The following SOX5 variants were observed in gnomAD, a reference collection of about 807,000 sequenced individuals.
The protein encoded by SOX5 is transcription factor SOX-5.
Under a neutral mutation model 92.0 loss-of-function variants are expected in SOX5, and 9 were observed. That is an observed-to-expected ratio of 0.10 (90% CI 0.06 to 0.17). SOX5 has a LOEUF of 0.17. SOX5 is among the 10% of genes least tolerant of loss of function. The pLI, the probability that SOX5 is intolerant of heterozygous loss-of-function variation, is 1.00. For synonymous variants in SOX5, 344 were observed against 336.3 expected (o/e 1.02, Z -0.25); for missense variants, 642 against 944.5 (o/e 0.68, Z 4.20).
intron 2 of SOX5, among the ~76,000 whole-genome samples, chr12:24,299,958 A>T (rs981953530): frequency 6.6e-6 from 1 of 152,220 alleles, no homozygotes; most frequent in Non-Finnish European, 1.5e-5. Flanking sequence ...AGAAATCTCA[A>T]AGGTAAATAA....
intron 3 of SOX5, among the ~76,000 whole-genome samples, chr12:24,219,196 G>C (rs1304115404): frequency 6.6e-6 from 1 of 151,996 alleles, no homozygotes; most frequent in Non-Finnish European, 1.5e-5. Flanking sequence ...ATGATTAATA[G>C]GGTTCAAAAA....
upstream of SOX5, among the ~76,000 whole-genome samples, chr12:23,955,714 C>A (rs1201931330): frequency 6.6e-6 from 1 of 151,916 alleles, no homozygotes; most frequent in Non-Finnish European, 1.5e-5. Context: ...CTCAATCACC[C>A]TCGTGGTAAA....
chr12:23,734,312 G>T (rs2093505259), intron 6 of SOX5, among the ~76,000 whole-genome samples: 1 of 152,034 alleles, frequency 6.6e-6, no homozygotes, highest in Non-Finnish European at 1.5e-5. Context: ...GTTCTATCTG[G>T]TACTACTTCT....
intron 2 of SOX5, among the ~76,000 whole-genome samples, chr12:24,354,777 A>G (rs1954587738): frequency 6.6e-6 from 1 of 152,190 alleles, no homozygotes. Flanking sequence ...GGATGGGTAG[A>G]GAAGAGTTCA....
intron 1 of SOX5, among the ~76,000 whole-genome samples, chr12:23,903,981 A>G (rs2097264520): frequency 1.3e-5 from 2 of 152,242 alleles, no homozygotes. Flanking sequence ...ACACAAACTT[A>G]GCATATCACT....
chr12:23,777,141 C>T (rs987863450), intron 3 of SOX5, among the ~76,000 whole-genome samples: 1 of 152,258 alleles, frequency 6.6e-6, no homozygotes, highest in African/African-American at 2.4e-5. Context: ...GAATATTCTG[C>T]TACACTCTTA....
At chr12:23,658,538 A>G (rs879423984) in intron 7 of SOX5, among the ~76,000 whole-genome samples, 2 of 152,228 alleles carry the variant, frequency 1.3e-5, no homozygotes, top group Non-Finnish European at 2.9e-5. Flanking sequence ...TCATCGGTTT[A>G]TAAACTTCTG....
intron 6 of SOX5, among the ~76,000 whole-genome samples, chr12:23,724,426 T>C (rs888477827): frequency 1.3e-5 from 2 of 152,202 alleles, no homozygotes; most frequent in Non-Finnish European, 2.9e-5. Flanking sequence ...CTGCTCCTTC[T>C]TCTTACCAGT....
At chr12:24,499,215 A>C (rs1321254858) in intron 1 of SOX5, among the ~76,000 whole-genome samples, 2 of 152,152 alleles carry the variant, frequency 1.3e-5, no homozygotes, top group African/African-American at 4.8e-5. Flanking sequence ...CCAGATGTTC[A>C]TTTTTGTGTC....
At position 23,536,519 on chromosome 12, in the gene SOX5, C is replaced by G; in HGVS notation, c.1922G>C (p.Arg641Pro). ...RTCLVDGKKLRIGEYKAIMRN... is the reference protein window; with the variant it reads ...RTCLVDGKKLPIGEYKAIMRN... ...CATGATTGCCTTGTATTCACCAATG[C>G]GCAGCTTTTTGCCATCCACCAGGCA... Residue 641 changes from arginine to proline, a missense_variant, in exon 14 of 15, where the codon CGC (arginine) becomes CCC (proline). Coordinates refer to ENST00000451604, the MANE Select transcript of SOX5 (RefSeq NM_006940.6). 1 of 1,614,166 alleles carries G rather than the reference C, an allele frequency of 6.2e-7. No homozygotes were observed. The highest frequency in any genetic ancestry group is 8.5e-7 in the Non-Finnish European group (1 of 1,180,036).
intron 8 of SOX5, among the ~76,000 whole-genome samples, chr12:23,633,098 T>C (rs1380683898): frequency 2.0e-4 from 31 of 152,062 alleles, no homozygotes; most frequent in Admixed American, 2.0e-3. Context: ...TTGGTTGGAG[T>C]CAACATTTTT....
chr12:24,141,078 T>G (rs1950541801), intron 4 of SOX5, among the ~76,000 whole-genome samples: 1 of 152,084 alleles, frequency 6.6e-6, no homozygotes, highest in African/African-American at 2.4e-5. Flanking sequence ...ATAAAACCAT[T>G]AGAACATTCT....
intron 2 of SOX5, among the ~76,000 whole-genome samples, chr12:24,295,690 T>C (rs1214447176): frequency 1.3e-5 from 2 of 152,124 alleles, no homozygotes; most frequent in Admixed American, 1.3e-4. Flanking sequence ...CAGCCCCTCC[T>C]GATCAGCTGG....
chr12:24,266,347 T>C (rs908593753), intron 3 of SOX5, among the ~76,000 whole-genome samples: 1 of 152,068 alleles, frequency 6.6e-6, no homozygotes, highest in African/African-American at 2.4e-5. Flanking sequence ...TATGATAATA[T>C]ATATATGGCA....
chr12:23,601,240 C>T, intron 9 of SOX5, among the ~76,000 whole-genome samples: 1 of 152,124 alleles, frequency 6.6e-6, no homozygotes, highest in Non-Finnish European at 1.5e-5. Flanking sequence ...TTCCCCCTTC[C>T]ATTTTTTGCA....
At chr12:24,420,266 GA>G (rs2136921765) in intron 1 of SOX5, among the ~76,000 whole-genome samples, 1 of 152,272 alleles carries the variant, frequency 6.6e-6, no homozygotes, top group Non-Finnish European at 1.5e-5. Flanking sequence ...CTAGTAACCA[GA>G]AAACAGCGCT....
At chr12:24,512,267 C>T (rs898075468) in intron 1 of SOX5, among the ~76,000 whole-genome samples, 11 of 152,122 alleles carry the variant, frequency 7.2e-5, no homozygotes, top group African/African-American at 2.4e-4. Context: ...TCCTAAAACA[C>T]GGATACTTGA....
rs371555800 is a variant in SOX5, at chr12:23,849,916, C to T, written c.271-3723G>A. Among the ~76,000 whole-genome samples the T allele has an allele frequency of 7.2e-5, 11 of 152,238 alleles. No individual in the cohort carries two copies. In the South Asian group the frequency reaches 1.5e-3, roughly 20 times the overall value. Reference sequence around the variant, plus strand: ...TTATAAAATTTGTGAGCATCTCCAGCATCCTTTCCAGTAAAATTAAGTTTT... The same window carrying T: ...TTATAAAATTTGTGAGCATCTCCAGTATCCTTTCCAGTAAAATTAAGTTTT... On this transcript the variant is annotated intron_variant, in intron 2 of 14. Coordinates refer to ENST00000451604, the MANE Select transcript of SOX5 (RefSeq NM_006940.6).
intron 8 of SOX5, among the ~76,000 whole-genome samples, chr12:23,605,492 TACAC>T (rs112964619): frequency 6.7e-6 from 1 of 149,216 alleles, no homozygotes; most frequent in Non-Finnish European, 1.5e-5. Context: ...AAATAAATTT[TACAC>T]ACACACACAC....
Sources: gnomAD v4.1 joint callset for allele counts (sites outside exome capture counted in the v4.1 genomes callset) on GRCh38, gnomAD v4.1.1 for gene constraint, MANE v1.5 for transcripts, NCBI Gene and HGNC (gene_info 2026-07-23, HGNC 2026-07-21) for gene names.